CACNA2D1: variants seen among roughly 807,000 people sequenced by gnomAD.
The protein encoded by CACNA2D1 is calcium voltage-gated channel auxiliary subunit alpha2delta 1, also known as voltage-dependent calcium channel subunit alpha-2/delta-1.
In CACNA2D1, 53 loss-of-function variants were observed where a neutral mutation model predicts 171.5. The observed-to-expected ratio is 0.31, with a 90% CI of 0.25 to 0.39. CACNA2D1 has a LOEUF of 0.39. Ranked by LOEUF, CACNA2D1 falls within the 10% of genes least tolerant of loss-of-function variation. The pLI, the probability that CACNA2D1 is intolerant of heterozygous loss-of-function variation, is 1.00. For missense variants in CACNA2D1, 903 were observed against 1,299.8 expected (o/e 0.69, Z 4.69); for synonymous variants, 442 against 443.1 (o/e 1.00, Z 0.03).
At chr7:82,053,079 C>T (rs1284010954) in intron 10 of CACNA2D1, among the ~76,000 whole-genome samples, 10 of 151,862 alleles carry the variant, frequency 6.6e-5, no homozygotes, top group African/African-American at 2.2e-4. Flanking sequence ...GGTGAAACCC[C>T]GTCTCTACTA....
At chr7:82,412,554 A>T (rs1199610809) in intron 1 of CACNA2D1, among the ~76,000 whole-genome samples, 1 of 151,912 alleles carries the variant, frequency 6.6e-6, no homozygotes, top group Non-Finnish European at 1.5e-5. Context: ...AAGTTCTGGG[A>T]TTACAGGCGT....
intron 7 of CACNA2D1, among the ~76,000 whole-genome samples, chr7:82,083,940 T>C (rs1810120454): frequency 1.3e-5 from 2 of 152,196 alleles, no homozygotes. Context: ...TTATGCTGTT[T>C]AAGGTCATAC....
chr7:82,422,877 G>A (rs1167539588), intron 1 of CACNA2D1, among the ~76,000 whole-genome samples: 1 of 151,606 alleles, frequency 6.6e-6, no homozygotes, highest in Non-Finnish European at 1.5e-5. Context: ...AGCAAAAGAT[G>A]CTTTGTCAAG....
At chr7:82,382,093 T>C (rs938404957) in intron 1 of CACNA2D1, among the ~76,000 whole-genome samples, 1 of 152,174 alleles carries the variant, frequency 6.6e-6, no homozygotes, top group African/African-American at 2.4e-5. Flanking sequence ...AACAAAGATA[T>C]TGTGAATCCC....
At chr7:82,422,065 C>T (rs1485584285) in intron 1 of CACNA2D1, among the ~76,000 whole-genome samples, 2 of 152,118 alleles carry the variant, frequency 1.3e-5, no homozygotes, top group Admixed American at 1.3e-4. Flanking sequence ...TATGAGGCAA[C>T]ATCTGGCTTT....
intron 3 of CACNA2D1, among the ~76,000 whole-genome samples, chr7:82,189,223 T>C (rs1206405166): frequency 6.6e-6 from 1 of 152,006 alleles, no homozygotes; most frequent in African/African-American, 2.4e-5. Context: ...AACACTATGA[T>C]GAAAATGGTA....
At chr7:82,072,728 G>T (rs1444398399) in intron 7 of CACNA2D1, among the ~76,000 whole-genome samples, 1 of 151,940 alleles carries the variant, frequency 6.6e-6, no homozygotes, top group Admixed American at 6.6e-5. Flanking sequence ...TTAAAATCAT[G>T]AATTTGGGAA....
intron 3 of CACNA2D1, among the ~76,000 whole-genome samples, chr7:82,289,377 G>C (rs559777580): frequency 6.6e-6 from 1 of 151,990 alleles, no homozygotes; most frequent in Non-Finnish European, 1.5e-5. Context: ...ATGCCAATTC[G>C]CAATACAATG....
intron 3 of CACNA2D1, among the ~76,000 whole-genome samples, chr7:82,314,394 T>C (rs1211283135): frequency 1.3e-5 from 2 of 152,224 alleles, no homozygotes; most frequent in East Asian, 1.9e-4. Context: ...CCAGAGAATA[T>C]TGTTTTCATT....
At chr7:82,170,980 A>G (rs1298754098) in intron 3 of CACNA2D1, among the ~76,000 whole-genome samples, 1 of 152,062 alleles carries the variant, frequency 6.6e-6, no homozygotes, top group Non-Finnish European at 1.5e-5. Context: ...TGGAGCATAC[A>G]TTTCTCTTAA....
chr7:82,129,603 ACT>A (rs796407445), intron 5 of CACNA2D1, among the ~76,000 whole-genome samples: 1 of 151,936 alleles, frequency 6.6e-6, no homozygotes, highest in South Asian at 2.1e-4. Context: ...TAGATCATTG[ACT>A]CTTTCTTTGG....
intron 3 of CACNA2D1, among the ~76,000 whole-genome samples, chr7:82,198,923 TA>T (rs1799128086): frequency 6.6e-6 from 1 of 152,110 alleles, no homozygotes; most frequent in Non-Finnish European, 1.5e-5. Flanking sequence ...GAGTTTCACT[TA>T]ATGCTCCATA....
chr7:82,290,730 G>A (rs62463038), intron 3 of CACNA2D1, among the ~76,000 whole-genome samples: 1 of 151,576 alleles, frequency 6.6e-6, no homozygotes, highest in African/African-American at 2.4e-5. Flanking sequence ...CCGAGCAGCT[G>A]GGATTACAGG....
intron 3 of CACNA2D1, among the ~76,000 whole-genome samples, chr7:82,243,995 T>G (rs898929095): frequency 6.6e-6 from 1 of 152,150 alleles, no homozygotes; most frequent in Non-Finnish European, 1.5e-5. Flanking sequence ...ACTCTTTCTT[T>G]AACAGATTAA....
At chr7:81,966,833 A>G (rs573215116) in intron 31 of CACNA2D1, among the ~76,000 whole-genome samples, 42 of 151,638 alleles carry the variant, frequency 2.8e-4, no homozygotes, top group African/African-American at 9.9e-4. Flanking sequence ...TTGATAACCA[A>G]TAGGGTTGCT....
chr7:82,282,275 G>T (rs1204455406), intron 3 of CACNA2D1, among the ~76,000 whole-genome samples: 1 of 152,086 alleles, frequency 6.6e-6, no homozygotes, highest in Non-Finnish European at 1.5e-5. Flanking sequence ...TCCAGCCTGG[G>T]GGACAGAACC....
chr7:81,959,237 ATTTATAGTAT>A, intron 38 of CACNA2D1, 28 bp downstream of exon 38: 1 of 1,373,698 alleles, frequency 7.3e-7, no homozygotes, highest in Non-Finnish European at 1.0e-6. Context: ...GTGACCATTA[ATTTATAGTAT>A]TTTAATCCAG....
intron 3 of CACNA2D1, among the ~76,000 whole-genome samples, chr7:82,332,254 G>T (rs1486849290): frequency 2.6e-5 from 4 of 151,954 alleles, no homozygotes; most frequent in East Asian, 1.9e-4. Context: ...TAAACACGGG[G>T]TTTCACCCTG....
chr7:81,979,107 C>A (rs902771135), intron 24 of CACNA2D1, among the ~76,000 whole-genome samples: 1 of 151,756 alleles, frequency 6.6e-6, no homozygotes, highest in Admixed American at 6.6e-5. Context: ...ATTTATACGA[C>A]GTGTCTAGAA....
Sources: allele counts gnomAD v4.1 joint callset (sites outside exome capture counted in the v4.1 genomes callset), GRCh38; gene constraint gnomAD v4.1.1; transcripts MANE v1.5; gene names NCBI Gene and HGNC (gene_info 2026-07-23, HGNC 2026-07-21).